NINJ2: variants seen among roughly 807,000 people sequenced by gnomAD.
NINJ2 encodes the protein ninjurin-2.
A neutral mutation model predicts 11.7 loss-of-function variants in NINJ2; 12 were observed. The ratio of observed to expected loss-of-function variants is 1.02; its 90% CI spans 0.66 to 1.66. The LOEUF (loss-of-function observed/expected upper bound fraction) is 1.66, where lower values mean the gene tolerates loss of function less well. NINJ2 is among the 40% of genes most tolerant of loss of function. NINJ2 has a pLI of 0.00. For missense variants in NINJ2, 187 were observed against 181.8 expected (o/e 1.03, Z -0.16); for synonymous variants, 93 against 76.8 (o/e 1.21, Z -1.10).
chr12:608,099 C>T (rs887302557), intron 1 of NINJ2, among the ~76,000 whole-genome samples: 1 of 152,150 alleles, frequency 6.6e-6, no homozygotes, highest in Non-Finnish European at 1.5e-5. Flanking sequence ...TGGATCTTCC[C>T]TAGGAGCTAG....
intron 1 of NINJ2, among the ~76,000 whole-genome samples, chr12:615,124 T>C (rs1948076418): frequency 6.6e-6 from 1 of 152,202 alleles, no homozygotes; most frequent in African/African-American, 2.4e-5. Context: ...TACAGTCATC[T>C]TTCAGCTCTG....
At chr12:646,418 C>T (rs549655360) in intron 1 of NINJ2, among the ~76,000 whole-genome samples, 7 of 152,322 alleles carry the variant, frequency 4.6e-5, no homozygotes, top group South Asian at 2.1e-4. Flanking sequence ...TACAGAGACT[C>T]CTTTGCAGCA....
intron 1 of NINJ2, among the ~76,000 whole-genome samples, chr12:629,896 A>AAAAAAAAAAAAATAT: frequency 2.3e-3 from 23 of 9,894 alleles, no homozygotes; most frequent in Admixed American, 5.7e-3. Flanking sequence ...AAAAAAAAAA[A>AAAAAAAAAAAAATAT]ATATATATAT....
chr12:607,554 C>T (rs1848779618), intron 1 of NINJ2, among the ~76,000 whole-genome samples: 1 of 152,174 alleles, frequency 6.6e-6, no homozygotes, highest in Admixed American at 6.5e-5. Context: ...GGTTACTCAG[C>T]CCAGGTGTTG....
At chr12:579,177 A>G (rs572695971) in intron 1 of NINJ2, among the ~76,000 whole-genome samples, 1 of 152,340 alleles carries the variant, frequency 6.6e-6, no homozygotes, top group Admixed American at 6.5e-5. Flanking sequence ...AGAAGCAATG[A>G]GAGCTGAGCC....
intron 1 of NINJ2, among the ~76,000 whole-genome samples, chr12:626,094 T>C (rs1358671274): frequency 6.6e-6 from 1 of 152,276 alleles, no homozygotes; most frequent in African/African-American, 2.4e-5. Flanking sequence ...GTACAATCAC[T>C]ATAACTTGGC....
chr12:655,349 A>C (rs536108502), intron 1 of NINJ2, among the ~76,000 whole-genome samples: 2 of 152,326 alleles, frequency 1.3e-5, no homozygotes, highest in South Asian at 4.1e-4. Flanking sequence ...AGATGACATG[A>C]TTGTCTATGT....
chr12:663,298 C>T, intron 1 of NINJ2, 30 bp downstream of exon 1: 1 of 1,604,814 alleles, frequency 6.2e-7, no homozygotes, highest in Non-Finnish European at 8.5e-7. Flanking sequence ...CTCCCGGTCT[C>T]CCCTCTGCTC....
At chr12:578,541 C>T (rs543379417) in intron 1 of NINJ2, among the ~76,000 whole-genome samples, 1 of 152,294 alleles carries the variant, frequency 6.6e-6, no homozygotes, top group Non-Finnish European at 1.5e-5. Flanking sequence ...TGGTTTTGAA[C>T]TCCTGGCCTC....
At chr12:599,694 A>T (rs1020153442) in intron 1 of NINJ2, among the ~76,000 whole-genome samples, 4 of 152,156 alleles carry the variant, frequency 2.6e-5, no homozygotes, top group African/African-American at 9.7e-5. Context: ...GAGTTGGGAG[A>T]TTAGGACCAC....
intron 1 of NINJ2, among the ~76,000 whole-genome samples, chr12:620,553 T>C (rs915418465): frequency 6.6e-6 from 1 of 152,258 alleles, no homozygotes; most frequent in African/African-American, 2.4e-5. Flanking sequence ...AGCATGCAGT[T>C]CTTCATTTGT....
chr12:629,272 C>T (rs1948242087), intron 1 of NINJ2, among the ~76,000 whole-genome samples: 1 of 152,122 alleles, frequency 6.6e-6, no homozygotes, highest in Non-Finnish European at 1.5e-5. Context: ...AAACTGAAGC[C>T]GGAAGGATGA....
intron 1 of NINJ2, chr12:645,474 G>T (rs1220478282): frequency 6.6e-6 from 1 of 152,144 alleles, no homozygotes; most frequent in Non-Finnish European, 1.5e-5. Flanking sequence ...GTAACAGAGG[G>T]TAGAATAAAT....
At position 633,504 on chromosome 12, in the gene NINJ2, A is replaced by C. The variant is rs188050264; in HGVS notation, c.33+29824T>G. Among the ~76,000 whole-genome samples, 42 of 152,156 alleles carry C rather than the reference A, an allele frequency of 2.8e-4. No homozygotes were observed. Among genetic ancestry groups the C allele is most frequent in the Admixed American group, 1.7e-3 (26 of 15,290 alleles). ...AACAGAAAGAGACTGTCTCCAAAAA[A>C]AAAAAATCATGTCATTTAAAAACTT... On this transcript the variant is annotated intron_variant, in intron 1 of 3. Coordinates refer to ENST00000305108, the MANE Select transcript of NINJ2 (RefSeq NM_016533.6). This position sits in a 1 kb window ranked among gnomAD's most constrained non-coding sequence, Gnocchi z 4.3.
chr12:608,907 C>G (rs1408955118), intron 1 of NINJ2, among the ~76,000 whole-genome samples: 2 of 152,260 alleles, frequency 1.3e-5, no homozygotes, highest in Non-Finnish European at 2.9e-5. Context: ...CTCTCTGGGT[C>G]TCTGTTTTCT....
intron 1 of NINJ2, among the ~76,000 whole-genome samples, chr12:619,203 G>C (rs77353687): frequency 0.078 from 11,912 of 152,184 alleles, 612 homozygotes; most frequent in East Asian, 0.16. Context: ...GATGGTGTGT[G>C]CAGCCCCAAG....
chr12:617,208 A>G (rs1350654550), intron 1 of NINJ2, among the ~76,000 whole-genome samples: 2 of 151,636 alleles, frequency 1.3e-5, no homozygotes, highest in East Asian at 1.9e-4. Flanking sequence ...CATCTCAAAA[A>G]CAAAAAAGTG....
intron 1 of NINJ2, among the ~76,000 whole-genome samples, chr12:588,841 C>T (rs765958175): frequency 2.6e-5 from 4 of 152,114 alleles, no homozygotes; most frequent in Non-Finnish European, 4.4e-5. Flanking sequence ...ACATGATTGG[C>T]GAAGACTTAA....
chr12:592,770 A>T (rs1947734237), intron 1 of NINJ2, among the ~76,000 whole-genome samples: 1 of 152,246 alleles, frequency 6.6e-6, no homozygotes, highest in South Asian at 2.1e-4. Context: ...TAAGGAATGT[A>T]GTCCAAGTCC....
Sources: allele counts gnomAD v4.1 joint callset (sites outside exome capture counted in the v4.1 genomes callset), GRCh38; gene constraint gnomAD v4.1.1; non-coding constraint Gnocchi (gnomAD v3.1); transcripts MANE v1.5; gene names NCBI Gene and HGNC (gene_info 2026-07-23, HGNC 2026-07-21).